The following NSUN6 variants were observed in gnomAD, a reference collection of about 807,000 sequenced individuals.
NSUN6 encodes the protein tRNA (cytosine(72)-C(5))-methyltransferase NSUN6.
In NSUN6, 64 loss-of-function variants were observed where a neutral mutation model predicts 58.0. That is an observed-to-expected ratio of 1.10 (90% CI 0.90 to 1.36). NSUN6 has a LOEUF of 1.36. Among genes scored for constraint, NSUN6 ranks in the 40% most tolerant of loss-of-function variants. The pLI, the probability that NSUN6 is intolerant of heterozygous loss-of-function variation, is 0.00. For missense variants in NSUN6, 701 were observed against 550.1 expected, an observed-to-expected ratio of 1.27 and a Z score of -2.74; for synonymous variants, 231 against 193.9, an observed-to-expected ratio of 1.19 and a Z score of -1.59.
At chr10:18,551,292 G>GTGTGTGTGTGGT (rs34031704) in intron 9 of NSUN6, among the ~76,000 whole-genome samples, 1 of 144,886 alleles carries the variant, frequency 6.9e-6, no homozygotes, top group East Asian at 2.0e-4. Context: ...GTGTGTGTGT[G>GTGTGTGTGTGGT]GTAAAATATA....
At chr10:18,609,948 A>G (rs2058174608) in intron 5 of NSUN6, 22 bp from the exon 6 acceptor site, 3 of 1,369,082 alleles carry the variant, frequency 2.2e-6, no homozygotes, top group Non-Finnish European at 3.1e-6. Flanking sequence ...GAAATCTAAC[A>G]TTAGTCTGTA....
intron 6 of NSUN6, among the ~76,000 whole-genome samples, chr10:18,602,164 C>A (rs11015089): frequency 1.3e-5 from 2 of 150,552 alleles, no homozygotes; most frequent in Admixed American, 6.6e-5. Flanking sequence ...CCAGGTTCAA[C>A]TGATTCTCCT....
At position 18,545,722 on chromosome 10, in the gene NSUN6, A is replaced by C; in HGVS notation, c.*211T>G. ...TTATACTCTACTAAATACATAAAAA[A>C]AAAAAATCTTTTAAAAACAGAAAAT... On this transcript the variant is annotated 3_prime_UTR_variant, in exon 11 of 11. Transcript: ENST00000377304. 1 of 486,334 alleles carries C rather than the reference A, an allele frequency of 2.1e-6. No homozygotes were observed. Among genetic ancestry groups the C allele is most frequent in the South Asian group, 2.8e-5 (1 of 35,854 alleles). The allele number at this position is 486,334 out of a possible 1,614,324, so 30.1% of individuals were successfully genotyped here.
chr10:18,578,472 C>T (rs182250181), intron 8 of NSUN6, among the ~76,000 whole-genome samples: 185 of 152,100 alleles, frequency 1.2e-3, no homozygotes, highest in African/African-American at 4.1e-3. Flanking sequence ...GTAAGCCTTT[C>T]GGTTGTGGTA....
intron 2 of NSUN6, among the ~76,000 whole-genome samples, chr10:18,645,489 C>G (rs1380113013): frequency 6.6e-6 from 1 of 152,150 alleles, no homozygotes; most frequent in Non-Finnish European, 1.5e-5. Context: ...TGAAACAATA[C>G]GTAGCATCCG....
intron 6 of NSUN6, among the ~76,000 whole-genome samples, chr10:18,600,959 T>TATATATATATATATATATAGATAC: frequency 1.5e-5 from 1 of 64,926 alleles, no homozygotes; most frequent in Non-Finnish European, 3.1e-5. Flanking sequence ...TATATATATA[T>TATATATATATATATATATAGATAC]ACATATATAT....
intron 7 of NSUN6, among the ~76,000 whole-genome samples, chr10:18,592,406 T>C (rs377733438): frequency 6.6e-5 from 10 of 152,358 alleles, no homozygotes; most frequent in African/African-American, 2.4e-4. Context: ...AGGGCAAGTA[T>C]AGCCAAGCCA....
chr10:18,638,705 CTTG>C (rs2059297251), intron 3 of NSUN6, among the ~76,000 whole-genome samples: 1 of 152,012 alleles, frequency 6.6e-6, no homozygotes, highest in South Asian at 2.1e-4. Flanking sequence ...ACTCAGCCAA[CTTG>C]TTGTATAAAC....
intron 7 of NSUN6, among the ~76,000 whole-genome samples, chr10:18,595,760 A>G (rs2057559921): frequency 6.6e-6 from 1 of 152,210 alleles, no homozygotes; most frequent in South Asian, 2.1e-4. Flanking sequence ...GACCAAAATG[A>G]TAACTTCAAA....
At chr10:18,557,602 G>T (rs554358991) in intron 8 of NSUN6, among the ~76,000 whole-genome samples, 2 of 147,904 alleles carry the variant, frequency 1.4e-5, no homozygotes, top group Admixed American at 1.4e-4. Flanking sequence ...TGGAATGGAA[G>T]ATGGATTGGA....
At chr10:18,616,939 T>A (rs1300141464) in intron 3 of NSUN6, among the ~76,000 whole-genome samples, 2 of 152,134 alleles carry the variant, frequency 1.3e-5, no homozygotes, top group East Asian at 1.9e-4. Flanking sequence ...ATTAGGTGCA[T>A]CCTGTCTTCA....
chr10:18,595,587 T>C (rs952165800), intron 7 of NSUN6, among the ~76,000 whole-genome samples: 1 of 152,222 alleles, frequency 6.6e-6, no homozygotes, highest in Non-Finnish European at 1.5e-5. Context: ...GTTACCACCT[T>C]AAATTCTTTT....
chr10:18,630,721 T>G (rs1221267678), intron 3 of NSUN6, among the ~76,000 whole-genome samples: 1 of 152,190 alleles, frequency 6.6e-6, no homozygotes, highest in Non-Finnish European at 1.5e-5. Context: ...GTTGAATCTC[T>G]GAATAGACCA....
chr10:18,585,006 A>G (rs1564759901), intron 8 of NSUN6, among the ~76,000 whole-genome samples: 1 of 151,864 alleles, frequency 6.6e-6, no homozygotes, highest in Non-Finnish European at 1.5e-5. Flanking sequence ...TTAAAAAAAA[A>G]AAAAGAGAGA....
At chr10:18,643,674 C>G (rs895748800) in intron 2 of NSUN6, among the ~76,000 whole-genome samples, 1 of 151,440 alleles carries the variant, frequency 6.6e-6, no homozygotes, top group African/African-American at 2.4e-5. Flanking sequence ...TCAATCAAAT[C>G]CTTCTTCCTT....
chr10:18,600,941 A>ATAT (rs1554869914), intron 6 of NSUN6, among the ~76,000 whole-genome samples: 21 of 43,540 alleles, frequency 4.8e-4, no homozygotes, highest in African/African-American at 1.3e-3. Context: ...AAAAAAAAAA[A>ATAT]ATATATATAT....
chr10:18,591,458 T>C (rs2057373707), intron 7 of NSUN6, among the ~76,000 whole-genome samples: 1 of 152,168 alleles, frequency 6.6e-6, no homozygotes, highest in Non-Finnish European at 1.5e-5. Flanking sequence ...TGAATATCTA[T>C]GCAAAAATCC....
chr10:18,625,078 G>C (rs58857018), intron 3 of NSUN6, among the ~76,000 whole-genome samples: 19,805 of 152,198 alleles, frequency 0.13, 1,435 homozygotes, highest in Middle Eastern at 0.23. Context: ...GAGGAATTAA[G>C]CATGTCCTAT....
chr10:18,563,409 G>A (rs2055688633), intron 8 of NSUN6, among the ~76,000 whole-genome samples: 1 of 150,930 alleles, frequency 6.6e-6, no homozygotes, highest in African/African-American at 2.4e-5. Context: ...AGAATGGTAT[G>A]GAACGGAATG....
Sources: allele counts gnomAD v4.1 joint callset (sites outside exome capture counted in the v4.1 genomes callset), GRCh38; gene constraint gnomAD v4.1.1; transcripts MANE v1.5; gene names NCBI Gene and HGNC (gene_info 2026-07-23, HGNC 2026-07-21).